The following FAM185A variants were observed in gnomAD, a reference collection of about 807,000 sequenced individuals.
FAM185A encodes the protein family with sequence similarity 185 member A.
FAM185A carries 21 observed loss-of-function variants against 45.7 expected under a neutral mutation model. The ratio of observed to expected loss-of-function variants is 0.46; its 90% confidence interval spans 0.33 to 0.66. FAM185A has a LOEUF of 0.66. Among genes scored for constraint, FAM185A ranks in the 30% least tolerant of loss-of-function variants. FAM185A has a pLI of 0.03. For missense variants in FAM185A, 305 were observed against 485.4 expected (o/e 0.63, Z 3.49); for synonymous variants, 117 against 194.0 (o/e 0.60, Z 3.30).
At chr7:102,761,543 A>T (rs11412851) in intron 4 of FAM185A, 132 bp downstream of exon 4, 43,939 of 527,908 alleles carry the variant, frequency 0.083, 1,501 homozygotes, top group Non-Finnish European at 0.082. Flanking sequence ...CCATCTTTTT[A>T]AAAAAAAAAA....
chr7:102,787,035 G>A (rs181876862), intron 6 of FAM185A, among the ~76,000 whole-genome samples: 244 of 152,240 alleles, frequency 1.6e-3, no homozygotes, highest in African/African-American at 5.7e-3. Context: ...TAAGCTACAG[G>A]TGTAGTAAAT....
chr7:102,786,427 C>A (rs573426391), intron 6 of FAM185A, among the ~76,000 whole-genome samples: 1 of 152,310 alleles, frequency 6.6e-6, no homozygotes, highest in East Asian at 1.9e-4. Flanking sequence ...TTGGAACCAA[C>A]CCAAATGTCC....
intron 4 of FAM185A, among the ~76,000 whole-genome samples, chr7:102,765,377 G>C (rs1358712485): frequency 1.3e-5 from 2 of 152,044 alleles, no homozygotes; most frequent in Non-Finnish European, 2.9e-5. Context: ...TCAGGAACTG[G>C]ACTCCTTCCA....
intron 6 of FAM185A, among the ~76,000 whole-genome samples, chr7:102,783,302 A>G (rs1795537685): frequency 6.6e-6 from 1 of 152,206 alleles, no homozygotes; most frequent in African/African-American, 2.4e-5. Context: ...AAGCAGACCT[A>G]ATAGACATCT....
chr7:102,757,346 C>T (rs1432865283), intron 2 of FAM185A, among the ~76,000 whole-genome samples: 2 of 152,092 alleles, frequency 1.3e-5, no homozygotes, highest in Non-Finnish European at 2.9e-5. Flanking sequence ...AAGTGATTTA[C>T]CTTTCTGAAT....
intron 2 of FAM185A, 23 bp from the exon 3 acceptor site, chr7:102,757,831 G>A (rs1431578575): frequency 1.3e-6 from 2 of 1,510,956 alleles, no homozygotes; most frequent in African/African-American, 2.8e-5. Context: ...TTCACTATAT[G>A]TATTTTTAAA....
the FAM185A span, among the ~76,000 whole-genome samples, chr7:102,831,431 A>ACACACACACACACC: frequency 3.4e-5 from 5 of 147,124 alleles, no homozygotes; most frequent in African/African-American, 1.2e-4. Flanking sequence ...ACACACACAC[A>ACACACACACACACC]CCCCACTACA....
chr7:102,823,131 G>T, the FAM185A span, among the ~76,000 whole-genome samples: 5 of 152,052 alleles, frequency 3.3e-5, no homozygotes, highest in Non-Finnish European at 5.9e-5. Flanking sequence ...AGAGTCCTCT[G>T]GTTTGGATGG....
At chr7:102,786,550 C>G (rs1183943277) in intron 6 of FAM185A, among the ~76,000 whole-genome samples, 1 of 152,086 alleles carries the variant, frequency 6.6e-6, no homozygotes, top group African/African-American at 2.4e-5. Context: ...AAGCTGGAAA[C>G]CATCATTCTC....
At chr7:102,825,024 G>A in the FAM185A span, among the ~76,000 whole-genome samples, 3 of 152,110 alleles carry the variant, frequency 2.0e-5, no homozygotes, top group Admixed American at 2.0e-4. Flanking sequence ...TTTAGTAGAT[G>A]TAGTTTAGTT....
rs1442017533 is a variant in FAM185A at position 102,749,541 on chromosome 7, G to C, written c.334G>C (p.Val112Leu). ...LVAVCGVEGGVRGLDGLQVKY... is the reference protein window; with the variant it reads ...LVAVCGVEGGLRGLDGLQVKY... ...CGCGGTGTGCGGCGTGGAGGGCGGC[G>C]TGCGGGGCCTGGACGGCCTGCAGGT... is the stretch of plus-strand genomic sequence containing the variant. Residue 112 changes from valine to leucine, a missense_variant, in exon 1 of 8, where the codon GTG (valine) becomes CTG (leucine). Physicochemically the swap from Val to Leu is conservative, Grantham distance 32. This residue lies in a region of FAM185A where 174 missense variants were observed against 247.1 expected (regional missense o/e 0.70). Coordinates refer to ENST00000413034, the MANE Select transcript of FAM185A (RefSeq NM_001145268.2). 5 of 1,520,118 alleles carry C rather than the reference G, an allele frequency of 3.3e-6. No homozygotes were observed. Among genetic ancestry groups the C allele is most frequent in the Non-Finnish European group, 4.4e-6 (5 of 1,133,588 alleles). 94.2% of individuals were successfully genotyped at this position (1,520,118 alleles called of 1,614,324 possible). A position where few individuals can be genotyped will look rare whatever the true frequency, so the allele number is the denominator to read the frequency against.
At chr7:102,784,714 A>C (rs1584330287) in intron 6 of FAM185A, among the ~76,000 whole-genome samples, 1 of 152,212 alleles carries the variant, frequency 6.6e-6, no homozygotes, top group Non-Finnish European at 1.5e-5. Flanking sequence ...TGACAAACCC[A>C]CAGCCAATAT....
At chr7:102,756,004 C>G (rs1793702620) in intron 2 of FAM185A, 1 of 396,502 alleles carries the variant, frequency 2.5e-6, no homozygotes, top group Non-Finnish European at 4.6e-6. Context: ...AAAAAAAGTG[C>G]TTTGTGGATA....
At chr7:102,798,493 G>C (rs1796577718) in intron 7 of FAM185A, among the ~76,000 whole-genome samples, 1 of 152,114 alleles carries the variant, frequency 6.6e-6, no homozygotes, top group African/African-American at 2.4e-5. Flanking sequence ...CAGTAACACT[G>C]TGCTTGGCCT....
At chr7:102,782,000 T>A (rs1482445807) in intron 6 of FAM185A, among the ~76,000 whole-genome samples, 1 of 152,156 alleles carries the variant, frequency 6.6e-6, no homozygotes, top group Non-Finnish European at 1.5e-5. Context: ...GAGAACTATG[T>A]GACGAATGCA....
At chr7:102,778,534 A>G (rs1482269707) in intron 6 of FAM185A, among the ~76,000 whole-genome samples, 6 of 152,256 alleles carry the variant, frequency 3.9e-5, no homozygotes, top group Non-Finnish European at 7.3e-5. Context: ...TAGGCAAAAT[A>G]AAACAAACAG....
At chr7:102,818,913 G>A in the FAM185A span, among the ~76,000 whole-genome samples, 1 of 152,058 alleles carries the variant, frequency 6.6e-6, no homozygotes, top group Admixed American at 6.6e-5. Flanking sequence ...ATTAAGCCCA[G>A]TATCTATTAG....
At chr7:102,782,121 A>G (rs956396671) in intron 6 of FAM185A, among the ~76,000 whole-genome samples, 12 of 152,168 alleles carry the variant, frequency 7.9e-5, no homozygotes, top group African/African-American at 2.4e-4. Flanking sequence ...AAAGAAATGA[A>G]CAAAACCTCC....
chr7:102,793,881 A>G (rs996744245), intron 7 of FAM185A, among the ~76,000 whole-genome samples: 2 of 151,822 alleles, frequency 1.3e-5, no homozygotes, highest in Non-Finnish European at 2.9e-5. Context: ...TCTACTAAAC[A>G]TACAAAAATT....
Sources: allele counts gnomAD v4.1 joint callset (sites outside exome capture counted in the v4.1 genomes callset), GRCh38; gene constraint gnomAD v4.1.1; regional missense constraint gnomAD v4.1.1; transcripts MANE v1.5; gene names NCBI Gene and HGNC (gene_info 2026-07-23, HGNC 2026-07-21).